The following PTPRO variants were observed in gnomAD, a reference collection of about 807,000 sequenced individuals.
PTPRO encodes receptor-type tyrosine-protein phosphatase O.
A neutral mutation model predicts 145.2 loss-of-function variants in PTPRO; 62 were observed. That is an observed-to-expected ratio of 0.43 (90% CI 0.35 to 0.53). The LOEUF is 0.53. Among genes scored for constraint, PTPRO ranks in the 20% least tolerant of loss-of-function variants. The probability of loss-of-function intolerance (pLI) is 0.01; values close to 1 mark genes in which losing one functional copy is unlikely to be tolerated. For missense variants in PTPRO, 1,345 were observed against 1,482.7 expected, an observed-to-expected ratio of 0.91 and a Z score of 1.53; for synonymous variants, 565 against 514.7, an observed-to-expected ratio of 1.10 and a Z score of -1.32.
At chr12:15,345,063 C>A (rs1591721558) in intron 1 of PTPRO, among the ~76,000 whole-genome samples, 2 of 152,162 alleles carry the variant, frequency 1.3e-5, no homozygotes, top group Non-Finnish European at 2.9e-5. Flanking sequence ...CTGGCCTATT[C>A]TTTTATAACT....
intron 1 of PTPRO, among the ~76,000 whole-genome samples, chr12:15,330,768 C>G (rs897844123): frequency 1.3e-5 from 2 of 152,194 alleles, no homozygotes; most frequent in Non-Finnish European, 2.9e-5. Context: ...AATAGCTTCT[C>G]CCTGCTTCTA....
At chr12:15,340,807 A>T (rs751064303) in intron 1 of PTPRO, among the ~76,000 whole-genome samples, 17 of 152,152 alleles carry the variant, frequency 1.1e-4, no homozygotes, top group Non-Finnish European at 2.1e-4. Context: ...TTTACACCTC[A>T]GATTGGCCTT....
intron 1 of PTPRO, among the ~76,000 whole-genome samples, chr12:15,359,642 C>T (rs1055512034): frequency 6.6e-6 from 1 of 151,888 alleles, no homozygotes; most frequent in Non-Finnish European, 1.5e-5. Flanking sequence ...TGGTCTTGAA[C>T]AAACTCTTGT....
intron 7 of PTPRO, among the ~76,000 whole-genome samples, chr12:15,514,722 C>T (rs553328895): frequency 6.6e-6 from 1 of 151,926 alleles, no homozygotes; most frequent in African/African-American, 2.4e-5. Context: ...TAGGTAATCT[C>T]TAAGGTCATT....
intron 1 of PTPRO, among the ~76,000 whole-genome samples, chr12:15,382,654 T>C (rs1433389617): frequency 6.6e-6 from 1 of 152,242 alleles, no homozygotes; most frequent in African/African-American, 2.4e-5. Context: ...AATATATTCA[T>C]TTGTCAAGTG....
At chr12:15,485,037 T>C (rs1941857462) in intron 2 of PTPRO, among the ~76,000 whole-genome samples, 1 of 152,146 alleles carries the variant, frequency 6.6e-6, no homozygotes, top group Non-Finnish European at 1.5e-5. Context: ...TTGTGTTCTT[T>C]AGTGTAAGTT....
At chr12:15,491,877 G>C (rs1241098640) in intron 2 of PTPRO, among the ~76,000 whole-genome samples, 1 of 152,190 alleles carries the variant, frequency 6.6e-6, no homozygotes, top group Non-Finnish European at 1.5e-5. Context: ...GGACTGAAAT[G>C]CTCCACGCTA....
intron 1 of PTPRO, among the ~76,000 whole-genome samples, chr12:15,365,969 T>G (rs1313883796): frequency 1.3e-5 from 2 of 152,144 alleles, no homozygotes; most frequent in African/African-American, 2.4e-5. Context: ...TTCAAGTAAT[T>G]TATAGCTAAT....
chr12:15,323,000 G>C lies in PTPRO; in HGVS notation c.75+199G>C, dbSNP rs1430695339. Among the ~76,000 whole-genome samples, 1 of 152,210 alleles carries C rather than the reference G, an allele frequency of 6.6e-6. No homozygotes were observed. Among genetic ancestry groups the C allele is most frequent in the Non-Finnish European group, 1.5e-5 (1 of 68,026 alleles). On this transcript the variant is annotated intron_variant, in intron 1 of 26. Transcript: ENST00000281171. The surrounding 1 kb of genome is among the most constrained non-coding windows in gnomAD (Gnocchi z 6.3). ...GGTGGTCTTGAGAGGTAGGGGGCGG[G>C]GGGAAGAATAAGGGAAGTTTGCTCC...
At chr12:15,466,824 T>TA (rs1365792444) in intron 1 of PTPRO, among the ~76,000 whole-genome samples, 2 of 151,868 alleles carry the variant, frequency 1.3e-5, no homozygotes, top group African/African-American at 4.8e-5. Flanking sequence ...CCTCATGTAA[T>TA]AAAAACGACT....
rs568103197 is a variant in PTPRO at position 15,446,401 on chromosome 12, C to T, written c.76-37573C>T. 3.9e-5 allele frequency among the ~76,000 whole-genome samples: 6 copies of T among 152,250 alleles called. No individual in the cohort carries two copies. The East Asian group carries it at 1.2e-3, about 29-fold the overall frequency. ...GAGATGGAAGGCAAGGAGGTCACCA[C>T]AAGACACTCAGAGCAGCATTTGCTG... On this transcript the variant is annotated intron_variant, in intron 1 of 26. Coordinates refer to ENST00000281171, the MANE Select transcript of PTPRO (RefSeq NM_030667.3).
At chr12:15,459,147 G>A (rs941455230) in intron 1 of PTPRO, among the ~76,000 whole-genome samples, 2 of 152,114 alleles carry the variant, frequency 1.3e-5, no homozygotes, top group Non-Finnish European at 1.5e-5. Flanking sequence ...GGCAATCCCT[G>A]GAAAAATTGA....
chr12:15,443,086 C>T (rs945771749), intron 1 of PTPRO, among the ~76,000 whole-genome samples: 10 of 152,106 alleles, frequency 6.6e-5, no homozygotes, highest in African/African-American at 2.4e-4. Flanking sequence ...CTATATGCTA[C>T]AGTACCAAAA....
At position 15,431,485 on chromosome 12, in the gene PTPRO, CT is replaced by C. The variant is rs576207064; in HGVS notation, c.76-52487del. ...ATAAGGAGCCCTATTCAATTATCTC[CT>C]TCTGTAATTAAAACATTTTAGTAGG... On this transcript the variant is annotated intron_variant, in intron 1 of 26. Transcript: ENST00000281171. Among the ~76,000 whole-genome samples the C allele has an allele frequency of 3.0e-3, 456 of 152,262 alleles. 1 individual carries two copies. Among genetic ancestry groups the C allele is most frequent in the African/African-American group, 0.01 (436 of 41,560 alleles).
intron 18 of PTPRO, among the ~76,000 whole-genome samples, chr12:15,566,352 T>C (rs1943897450): frequency 6.6e-6 from 1 of 152,182 alleles, no homozygotes. Context: ...GTCTGTGGCA[T>C]CTATGCTTAT....
chr12:15,521,945 T>C (rs1942729965), intron 10 of PTPRO, among the ~76,000 whole-genome samples: 1 of 152,234 alleles, frequency 6.6e-6, no homozygotes, highest in African/African-American at 2.4e-5. Flanking sequence ...ACTTACCTGG[T>C]AAGCAGTCTG....
intron 10 of PTPRO, among the ~76,000 whole-genome samples, chr12:15,524,343 T>C (rs537523321): frequency 1.3e-5 from 2 of 152,272 alleles, no homozygotes; most frequent in African/African-American, 4.8e-5. Context: ...ATCTTCTATC[T>C]TCCTACCCTT....
chr12:15,421,525 TGATCCTA>T (rs1940145572), intron 1 of PTPRO, among the ~76,000 whole-genome samples: 1 of 152,220 alleles, frequency 6.6e-6, no homozygotes, highest in Non-Finnish European at 1.5e-5. Flanking sequence ...CCAAATGCTG[TGATCCTA>T]GAGAGGTGTC....
At chr12:15,474,476 G>T (rs1204574387) in intron 1 of PTPRO, among the ~76,000 whole-genome samples, 1 of 152,128 alleles carries the variant, frequency 6.6e-6, no homozygotes, top group Non-Finnish European at 1.5e-5. Flanking sequence ...GTACCAAGAG[G>T]CATAAGGATA....
Sources: allele counts gnomAD v4.1 joint callset (sites outside exome capture counted in the v4.1 genomes callset), GRCh38; gene constraint gnomAD v4.1.1; non-coding constraint Gnocchi (gnomAD v3.1); transcripts MANE v1.5; gene names NCBI Gene and HGNC (gene_info 2026-07-23, HGNC 2026-07-21).